AGGF1: variants seen among roughly 807,000 people sequenced by gnomAD.
AGGF1 encodes angiogenic factor with G-patch and FHA domains 1, also known as angiogenic factor with G patch and FHA domains 1.
In AGGF1, 56 loss-of-function variants were observed where a neutral mutation model predicts 86.5. That is an observed-to-expected ratio of 0.65 (90% CI 0.52 to 0.81). AGGF1 has a LOEUF of 0.81. Among genes scored for constraint, AGGF1 ranks in the 30% least tolerant of loss-of-function variants. The pLI is 0.00. For synonymous variants in AGGF1, 313 were observed against 297.1 expected, an observed-to-expected ratio of 1.05 and a Z score of -0.55; for missense variants, 816 against 850.9, an observed-to-expected ratio of 0.96 and a Z score of 0.51.
At chr5:77,051,163 G>A (rs58613995) in intron 8 of AGGF1, among the ~76,000 whole-genome samples, 18,653 of 152,104 alleles carry the variant, frequency 0.12, 1,225 homozygotes, top group East Asian at 0.28. Context: ...GTTGGGCGCG[G>A]TGGCTTATGC....
chr5:77,043,575 G>C (rs1747178521), intron 5 of AGGF1, among the ~76,000 whole-genome samples: 1 of 126,624 alleles, frequency 7.9e-6, no homozygotes, highest in South Asian at 2.7e-4. Context: ...CGGCTGGCCA[G>C]GCGGGGGGCT....
intron 11 of AGGF1, among the ~76,000 whole-genome samples, chr5:77,058,959 A>G (rs936322758): frequency 6.6e-6 from 1 of 152,242 alleles, no homozygotes; most frequent in Non-Finnish European, 1.5e-5. Context: ...TAAGTGACTA[A>G]TAAGTCACTT....
At chr5:77,041,887 A>G (rs1238193821) in intron 5 of AGGF1, among the ~76,000 whole-genome samples, 1 of 148,482 alleles carries the variant, frequency 6.7e-6, no homozygotes, top group Non-Finnish European at 1.5e-5. Context: ...TCATGGGACA[A>G]TAGTGGAGGG....
chr5:77,062,622 A>G (rs116228803), intron 13 of AGGF1, among the ~76,000 whole-genome samples: 2,571 of 152,308 alleles, frequency 0.017, 79 homozygotes, highest in African/African-American at 0.059. Context: ...AATATTGAGA[A>G]GTGCTCCCCT....
intron 6 of AGGF1, 84 bp downstream of exon 6, chr5:77,046,761 T>G: frequency 7.9e-7 from 1 of 1,261,626 alleles, no homozygotes; most frequent in South Asian, 1.2e-5. Flanking sequence ...TAGTGAGTTG[T>G]AGTATATCTG....
At chr5:77,034,298 A>G in intron 1 of AGGF1, 120 bp from the exon 2 acceptor site, 1 of 696,386 alleles carries the variant, frequency 1.4e-6, no homozygotes, top group South Asian at 1.7e-5. Context: ...CTTTTCTGAA[A>G]GGGAAACTTG....
At chr5:77,053,259 C>A (rs1747406462) in intron 9 of AGGF1, among the ~76,000 whole-genome samples, 2 of 152,166 alleles carry the variant, frequency 1.3e-5, no homozygotes, top group South Asian at 4.1e-4. Flanking sequence ...GTTCTGACGC[C>A]TGTAATCCCA....
chr5:77,046,769 C>T, intron 6 of AGGF1, 92 bp downstream of exon 6: 6 of 1,208,096 alleles, frequency 5.0e-6, no homozygotes, highest in Non-Finnish European at 7.3e-6. Context: ...TGTAGTATAT[C>T]TGCCAGAAAG....
chr5:77,045,878 A>C (rs1747238553), intron 5 of AGGF1, among the ~76,000 whole-genome samples: 1 of 152,256 alleles, frequency 6.6e-6, no homozygotes, highest in South Asian at 2.1e-4. Context: ...GATGTTGCAG[A>C]CTATGTAAAC....
At chr5:77,048,375 A>C in intron 7 of AGGF1, 103 bp downstream of exon 7, 1 of 984,304 alleles carries the variant, frequency 1.0e-6, no homozygotes, top group Non-Finnish European at 1.5e-6. Flanking sequence ...TTTTTGAGAC[A>C]GAGTTGTGCT....
intron 11 of AGGF1, 122 bp downstream of exon 11, chr5:77,055,718 G>C: frequency 1.4e-6 from 1 of 693,932 alleles, no homozygotes; most frequent in South Asian, 2.0e-5. Flanking sequence ...TTCGTGATTT[G>C]TATTAGTTTA....
intron 1 of AGGF1, among the ~76,000 whole-genome samples, chr5:77,032,264 A>AAAAAC (rs1554045787): frequency 2.7e-5 from 4 of 150,236 alleles, no homozygotes; most frequent in Admixed American, 1.3e-4. Context: ...AAAAAAAAAA[A>AAAAAC]AAAAAAAAAA....
chr5:77,040,484 A>C (rs1002703249), intron 5 of AGGF1, among the ~76,000 whole-genome samples: 2 of 152,146 alleles, frequency 1.3e-5, no homozygotes, highest in African/African-American at 4.8e-5. Flanking sequence ...ATTAGGATTA[A>C]TAGTTTAAAT....
In AGGF1 at chr5:77,046,864, A is replaced by G. The variant is rs565769733; in HGVS notation, c.1201+187A>G. ...GAGAGTAGGATGTGAATAAATGACT[A>G]ATACTTAGACCTTCAGAAGGTTTCA... On this transcript the variant is annotated intron_variant, in intron 6 of 13. Transcript: ENST00000312916. Among the ~76,000 whole-genome samples the G allele has an allele frequency of 7.9e-4, 120 of 152,320 alleles. No individual in the cohort carries two copies. The South Asian group carries it at 0.023, about 29-fold the overall frequency.
intron 11 of AGGF1, among the ~76,000 whole-genome samples, chr5:77,056,424 C>T (rs1055145431): frequency 6.6e-6 from 1 of 151,684 alleles, no homozygotes; most frequent in African/African-American, 2.4e-5. Flanking sequence ...AGACAAGGTT[C>T]ACAGCGTTGG....
rs1315324003 is a variant in AGGF1, at chr5:77,039,572, CTAT to C, written c.725_727del (p.Tyr242del). ...ATGATCCTTCCACTGGAATTTATTA[CTAT>C]TGTGATGTGGAAAGTGGTCGTTATC... On this transcript the variant is annotated inframe_deletion, in exon 5 of 14. Transcript: ENST00000312916. 6.2e-7 allele frequency: 1 copy of C among 1,612,250 alleles called. No individual in the cohort carries two copies. The highest frequency in any genetic ancestry group is 8.5e-7 in the Non-Finnish European group (1 of 1,179,234).
At position 77,030,780 on chromosome 5, in the gene AGGF1, C is replaced by G. The variant is rs749892160; in HGVS notation, c.14C>G (p.Ala5Gly). 7.5e-5 allele frequency: 119 copies of G among 1,578,612 alleles called. No individual in the cohort carries two copies. The highest frequency in any genetic ancestry group is 9.8e-5 in the Non-Finnish European group (115 of 1,167,944). Residue 5 changes from alanine (A) to glycine (G), a missense_variant, in exon 1 of 14, where the codon GCG (alanine) becomes GGG (glycine). Ala to Gly is a moderately conservative substitution (Grantham distance 60). Coordinates refer to ENST00000312916, the MANE Select transcript of AGGF1 (RefSeq NM_018046.5). Reference protein sequence around the residue: MASEAPSPPRSPPPP... With the variant: MASEGPSPPRSPPPP... ...GCGCCGGAGCTCATGGCCTCGGAGG[C>G]GCCGTCCCCGCCGCGGTCGCCGCCG...
At chr5:77,035,843 A>G (rs1199496394) in intron 3 of AGGF1, 100 bp downstream of exon 3, 1 of 1,029,440 alleles carries the variant, frequency 9.7e-7, no homozygotes, top group Admixed American at 1.9e-5. Context: ...GTCACAGCAT[A>G]TATAAGGGTT....
intron 1 of AGGF1, among the ~76,000 whole-genome samples, chr5:77,032,675 C>T (rs1746893229): frequency 6.6e-6 from 1 of 151,686 alleles, no homozygotes; most frequent in African/African-American, 2.4e-5. Context: ...TGAAGTACTG[C>T]TTGCGTTAGA....
Sources: allele counts gnomAD v4.1 joint callset (sites outside exome capture counted in the v4.1 genomes callset), GRCh38; gene constraint gnomAD v4.1.1; transcripts MANE v1.5; gene names NCBI Gene and HGNC (gene_info 2026-07-23, HGNC 2026-07-21).